Variants in RBFOX1 observed in about 807,000 individuals in gnomAD.
The protein encoded by RBFOX1 is RNA binding protein fox-1 homolog 1.
A neutral mutation model predicts 57.7 loss-of-function variants in RBFOX1; 8 were observed. That is an observed-to-expected ratio of 0.14 (90% CI 0.08 to 0.25). The LOEUF is 0.25. Ranked by LOEUF, RBFOX1 falls within the 10% of genes least tolerant of loss-of-function variation. The pLI, the probability that RBFOX1 is intolerant of heterozygous loss-of-function variation, is 1.00. For synonymous variants in RBFOX1, 326 were observed against 222.4 expected, an observed-to-expected ratio of 1.47 and a Z score of -4.15; for missense variants, 611 against 548.5, an observed-to-expected ratio of 1.11 and a Z score of -1.14.
chr16:6,592,958 T>C (rs1288874525), intron 2 of RBFOX1, among the ~76,000 whole-genome samples: 2 of 152,162 alleles, frequency 1.3e-5, no homozygotes, highest in Admixed American at 1.3e-4. Context: ...CTTGGGAGGC[T>C]GAGGCAAGCG....
exon 1 of RBFOX1, chr16:5,239,947 C>A (rs2062121729): frequency 2.0e-6 from 3 of 1,527,496 alleles, no homozygotes; most frequent in Middle Eastern, 2.3e-4. Context: ...GGATGGCCGG[C>A]CCAGGAGGGA....
intron 3 of RBFOX1, among the ~76,000 whole-genome samples, chr16:6,695,437 A>G (rs1298821017): frequency 7.1e-5 from 5 of 70,042 alleles, no homozygotes; most frequent in Non-Finnish European, 1.6e-4. Flanking sequence ...AAAAAAAAAA[A>G]GGAAAGGAAG....
At chr16:6,334,796 A>C (rs2083435870) in intron 2 of RBFOX1, among the ~76,000 whole-genome samples, 1 of 152,166 alleles carries the variant, frequency 6.6e-6, no homozygotes, top group African/African-American at 2.4e-5. Context: ...GGGTACAGGA[A>C]GGGGAGGTGG....
intron 1 of RBFOX1, among the ~76,000 whole-genome samples, chr16:6,181,142 C>G (rs1598128600): frequency 6.6e-6 from 1 of 152,298 alleles, no homozygotes; most frequent in Non-Finnish European, 1.5e-5. Context: ...CTGGTAAAGT[C>G]ATTGGCTCTC....
At chr16:7,441,960 G>A (rs1403573853) in intron 4 of RBFOX1, among the ~76,000 whole-genome samples, 3 of 152,220 alleles carry the variant, frequency 2.0e-5, no homozygotes, top group Non-Finnish European at 4.4e-5. Context: ...GGGGCTGCCC[G>A]TTCTTTGCTG....
chr16:6,414,509 C>G (rs2093564928), intron 2 of RBFOX1, among the ~76,000 whole-genome samples: 1 of 152,122 alleles, frequency 6.6e-6, no homozygotes, highest in Non-Finnish European at 1.5e-5. Context: ...AAGCAAACAT[C>G]TAAATAAACA....
chr16:6,675,042 A>G (rs755165808), intron 3 of RBFOX1, among the ~76,000 whole-genome samples: 1 of 152,028 alleles, frequency 6.6e-6, no homozygotes, highest in Non-Finnish European at 1.5e-5. Flanking sequence ...ATTAGCTGGG[A>G]CTACAGGTAT....
At chr16:6,936,699 A>G (rs182904659) in intron 3 of RBFOX1, among the ~76,000 whole-genome samples, 1 of 152,150 alleles carries the variant, frequency 6.6e-6, no homozygotes, top group Non-Finnish European at 1.5e-5. Context: ...GGATAGCATT[A>G]GATTAATATT....
chr16:5,876,062 C>G (rs892927720), intron 4 of RBFOX1, among the ~76,000 whole-genome samples: 4 of 152,100 alleles, frequency 2.6e-5, no homozygotes, highest in African/African-American at 9.7e-5. Flanking sequence ...CCAGGGTAGT[C>G]TTGATCTTAT....
chr16:6,260,580 G>A (rs1489088704), intron 1 of RBFOX1, among the ~76,000 whole-genome samples: 1 of 152,054 alleles, frequency 6.6e-6, no homozygotes, highest in Non-Finnish European at 1.5e-5. Context: ...TATAAAGAAG[G>A]CATGGCATGC....
intron 4 of RBFOX1, among the ~76,000 whole-genome samples, chr16:7,217,838 C>G (rs1239022400): frequency 6.6e-6 from 1 of 152,166 alleles, no homozygotes; most frequent in Non-Finnish European, 1.5e-5. Flanking sequence ...ATTGTCACTA[C>G]TCACTGCATG....
At chr16:7,607,234 T>G (rs1320869549) in intron 9 of RBFOX1, 51 bp from the exon 10 acceptor site, 3 of 1,489,434 alleles carry the variant, frequency 2.0e-6, no homozygotes, top group Non-Finnish European at 2.8e-6. Context: ...TGCAATTATA[T>G]AAGATGTTGA....
intron 3 of RBFOX1, among the ~76,000 whole-genome samples, chr16:6,931,700 C>G (rs1297510153): frequency 1.3e-5 from 2 of 152,200 alleles, no homozygotes; most frequent in African/African-American, 2.4e-5. Flanking sequence ...CAGACAGTTT[C>G]TAGTTGGTGG....
intron 2 of RBFOX1, among the ~76,000 whole-genome samples, chr16:6,626,221 C>A (rs995559448): frequency 1.3e-5 from 2 of 151,190 alleles, no homozygotes; most frequent in Admixed American, 1.3e-4. Context: ...AACATTTATG[C>A]CCTCTGATTT....
At chr16:6,643,417 T>C (rs942783753) in intron 2 of RBFOX1, among the ~76,000 whole-genome samples, 1 of 74,144 alleles carries the variant, frequency 1.3e-5, no homozygotes, top group Non-Finnish European at 2.9e-5. Context: ...TTTGTTTGTT[T>C]GTTAGTTTTG....
intron 2 of RBFOX1, among the ~76,000 whole-genome samples, chr16:6,540,510 G>T (rs2096798958): frequency 6.6e-6 from 1 of 150,892 alleles, no homozygotes; most frequent in Non-Finnish European, 1.5e-5. Flanking sequence ...TACTCAGGAG[G>T]CTGAGGCAGG....
At chr16:6,324,776 A>G (rs986903577) in intron 2 of RBFOX1, among the ~76,000 whole-genome samples, 1 of 152,192 alleles carries the variant, frequency 6.6e-6, no homozygotes, top group Non-Finnish European at 1.5e-5. Flanking sequence ...CTTCGAATTT[A>G]GAAAGCAAAT....
At chr16:6,135,957 G>T (rs146335011) in intron 1 of RBFOX1, among the ~76,000 whole-genome samples, 293 of 151,964 alleles carry the variant, frequency 1.9e-3, no homozygotes, top group African/African-American at 6.0e-3. Context: ...ACCATACCCA[G>T]CTAATTTTTG....
intron 1 of RBFOX1, among the ~76,000 whole-genome samples, chr16:6,271,236 C>T (rs758748669): frequency 1.3e-5 from 2 of 152,056 alleles, no homozygotes; most frequent in Non-Finnish European, 2.9e-5. Flanking sequence ...CCAGTCTGGC[C>T]AACATGGTGA....
Sources: gnomAD v4.1 joint callset for allele counts (sites outside exome capture counted in the v4.1 genomes callset) on GRCh38, gnomAD v4.1.1 for gene constraint, MANE v1.5 for transcripts, NCBI Gene and HGNC (gene_info 2026-07-23, HGNC 2026-07-21) for gene names.